AMDHD1: variants seen among roughly 807,000 people sequenced by gnomAD.
AMDHD1 encodes the protein probable imidazolonepropionase.
A neutral mutation model predicts 44.1 loss-of-function variants in AMDHD1; 45 were observed. That is an observed-to-expected ratio of 1.02 (90% CI 0.80 to 1.31). AMDHD1 has a LOEUF of 1.31. Ranked by LOEUF, AMDHD1 falls within the 50% of genes most tolerant of loss-of-function variation. The pLI, the probability that AMDHD1 is intolerant of heterozygous loss-of-function variation, is 0.00. For synonymous variants in AMDHD1, 206 were observed against 205.0 expected, an observed-to-expected ratio of 1.00 and a Z score of -0.04; for missense variants, 586 against 552.1, an observed-to-expected ratio of 1.06 and a Z score of -0.61.
intron 5 of AMDHD1, 39 bp downstream of exon 5, chr12:95,960,662 T>C (rs1241076323): frequency 6.4e-7 from 1 of 1,574,618 alleles, no homozygotes; most frequent in Non-Finnish European, 8.7e-7. Flanking sequence ...TCAACATTCA[T>C]TCTTGCACAT....
intron 1 of AMDHD1, among the ~76,000 whole-genome samples, chr12:95,950,407 C>G (rs2080520875): frequency 6.6e-6 from 1 of 152,190 alleles, no homozygotes; most frequent in Non-Finnish European, 1.5e-5. Context: ...CACTTCTGTC[C>G]CAGTTCGGAA....
At position 95,943,490 on chromosome 12, in the gene AMDHD1, T is replaced by C; in HGVS notation, c.92T>C (p.Leu31Pro). The C allele has an allele frequency of 6.7e-7, 1 of 1,500,030 alleles. No homozygotes were observed. Among genetic ancestry groups the C allele is most frequent in the Non-Finnish European group, 8.9e-7 (1 of 1,128,774 alleles). 92.9% of individuals were successfully genotyped at this position (1,500,030 alleles called of 1,614,324 possible). ...RGERFLARDALRSLAVLEGAS... is the reference protein window; with the variant it reads ...RGERFLARDAPRSLAVLEGAS... ...GAGCGCTTCCTGGCGCGGGATGCGC[T>C]GCGCAGCCTGGCGGTGCTGGAAGGC... Residue 31 changes from leucine to proline, a missense_variant, in exon 1 of 9, where the codon CTG (leucine) becomes CCG (proline). Transcript: ENST00000266736.
intron 1 of AMDHD1, among the ~76,000 whole-genome samples, chr12:95,951,208 A>G (rs964685502): frequency 6.6e-6 from 1 of 152,152 alleles, no homozygotes; most frequent in Non-Finnish European, 1.5e-5. Flanking sequence ...TTTTCTAGCC[A>G]TTAACAATCC....
intron 1 of AMDHD1, among the ~76,000 whole-genome samples, chr12:95,951,252 GC>G (rs1212405514): frequency 2.0e-5 from 3 of 151,988 alleles, no homozygotes; most frequent in African/African-American, 7.3e-5. Context: ...ATTCTTCCCA[GC>G]CTCTGGTAAC....
rs1188401102 is a variant in AMDHD1, at chr12:95,949,140, TAAAAAAAAAAAAAAAAAAAG to T, written c.138-3558_138-3539del. Among the ~76,000 whole-genome samples the T allele has an allele frequency of 2.7e-3, 12 of 4,462 alleles. 4 individuals carry two copies. The highest frequency in any genetic ancestry group is 0.022 in the South Asian group (2 of 90). The allele number at this position is 4,462 out of a possible 152,430, so 2.9% of individuals were successfully genotyped here. A position where few individuals can be genotyped will look rare whatever the true frequency, so the allele number is the denominator to read the frequency against. Reference sequence around the variant, plus strand: ...AAGAATTATCAATAAAAAAATAAATTAAAAAAAAAAAAAAAAAAAGAAAAAAAAAAAAAAAAAAGAGACTG... The same window carrying T: ...AAGAATTATCAATAAAAAAATAAATTAAAAAAAAAAAAAAAAAAGAGACTG... On this transcript the variant is annotated intron_variant, in intron 1 of 8. Transcript: ENST00000266736.
intron 2 of AMDHD1, among the ~76,000 whole-genome samples, chr12:95,953,167 C>A (rs2080532772): frequency 6.6e-6 from 1 of 152,158 alleles, no homozygotes; most frequent in Non-Finnish European, 1.5e-5. Flanking sequence ...CACTCACATG[C>A]TGAATAGAAA....
At chr12:95,957,884 C>A (rs1438739491) in intron 4 of AMDHD1, among the ~76,000 whole-genome samples, 2 of 152,104 alleles carry the variant, frequency 1.3e-5, no homozygotes, top group Non-Finnish European at 2.9e-5. Context: ...GAAACCCCAT[C>A]TCTACTAAAA....
chr12:95,963,061 A>G (rs1342962339), intron 6 of AMDHD1, among the ~76,000 whole-genome samples: 2 of 152,212 alleles, frequency 1.3e-5, no homozygotes, highest in African/African-American at 2.4e-5. Context: ...ATTCTAACCA[A>G]TATGAGATCT....
At chr12:95,943,559 G>A in intron 1 of AMDHD1, 24 bp downstream of exon 1, 3 of 1,423,058 alleles carry the variant, frequency 2.1e-6, no homozygotes, top group Non-Finnish European at 2.7e-6. Context: ...CGCGCAGGGT[G>A]GGGACCGCCA....
chr12:95,967,999 TTTA>T lies in AMDHD1; in HGVS notation c.*159_*161del, dbSNP rs2080621163. 3.8e-6 allele frequency: 2 copies of T among 530,292 alleles called. No individual in the cohort carries two copies. Among genetic ancestry groups the T allele is most frequent in the South Asian group, 5.5e-5 (2 of 36,212 alleles). 32.8% of individuals were successfully genotyped at this position (530,292 alleles called of 1,614,324 possible). A position where few individuals can be genotyped will look rare whatever the true frequency, so the allele number is the denominator to read the frequency against. On this transcript the variant is annotated 3_prime_UTR_variant, in exon 9 of 9. Transcript: ENST00000266736. ...TCACTCAAAAAACCCAAGGGATAGA[TTTA>T]TTTTCATTTAACACATGCATTTGAC...
At chr12:95,956,106 T>TTGTTC (rs1298285699) in intron 3 of AMDHD1, among the ~76,000 whole-genome samples, 1 of 151,484 alleles carries the variant, frequency 6.6e-6, no homozygotes, top group African/African-American at 2.4e-5. Flanking sequence ...TTGTTTTGTT[T>TTGTTC]TGTTTGTTTG....
intron 6 of AMDHD1, among the ~76,000 whole-genome samples, chr12:95,965,298 CAAAAAA>C (rs34398121): frequency 4.2e-5 from 4 of 94,798 alleles, no homozygotes; most frequent in Admixed American, 1.2e-4. Flanking sequence ...GATTCCATCT[CAAAAAA>C]AAAAAAAAAA....
intron 6 of AMDHD1, among the ~76,000 whole-genome samples, chr12:95,965,376 A>G (rs1368383737): frequency 6.6e-6 from 1 of 152,010 alleles, no homozygotes; most frequent in Non-Finnish European, 1.5e-5. Flanking sequence ...AGCTTATTAA[A>G]TTCCAAAACC....
chr12:95,965,656 G>C (rs751226555), intron 6 of AMDHD1, 30 bp from the exon 7 acceptor site: 1 of 1,514,608 alleles, frequency 6.6e-7, no homozygotes, highest in Non-Finnish European at 9.1e-7. Flanking sequence ...TCCCATTCTA[G>C]AGACTGACAT....
intron 1 of AMDHD1, among the ~76,000 whole-genome samples, chr12:95,943,757 G>C (rs1435676961): frequency 6.6e-6 from 1 of 152,192 alleles, no homozygotes; most frequent in Non-Finnish European, 1.5e-5. Context: ...GAACGCATCA[G>C]GGTCCTGCCT....
chr12:95,957,421 T>C (rs985237335), intron 4 of AMDHD1, among the ~76,000 whole-genome samples: 3 of 152,194 alleles, frequency 2.0e-5, no homozygotes, highest in Non-Finnish European at 2.9e-5. Flanking sequence ...TTGTTGTAAA[T>C]GATTTTTAGC....
At chr12:95,963,575 G>C (rs2080593898) in intron 6 of AMDHD1, among the ~76,000 whole-genome samples, 1 of 152,108 alleles carries the variant, frequency 6.6e-6, no homozygotes. Context: ...TTCTCTTAAA[G>C]AGTAAACACA....
chr12:95,943,610 G>A, intron 1 of AMDHD1, 75 bp downstream of exon 1: 1 of 1,370,300 alleles, frequency 7.3e-7, no homozygotes, highest in Non-Finnish European at 9.4e-7. Context: ...GTGCACTCTG[G>A]AGGGAAACAA....
At chr12:95,962,203 T>G (rs1592826118) in intron 5 of AMDHD1, 152 bp from the exon 6 acceptor site, 4 of 1,074,200 alleles carry the variant, frequency 3.7e-6, no homozygotes, top group Non-Finnish European at 5.1e-6. Context: ...GAGGCGGAGG[T>G]TGCAGTGAGC....
Sources: gnomAD v4.1 joint callset for allele counts (sites outside exome capture counted in the v4.1 genomes callset) on GRCh38, gnomAD v4.1.1 for gene constraint, MANE v1.5 for transcripts, NCBI Gene and HGNC (gene_info 2026-07-23, HGNC 2026-07-21) for gene names.